DUSP10: variants seen among roughly 807,000 people sequenced by gnomAD.
DUSP10 encodes the protein dual specificity phosphatase 10.
Under a neutral mutation model 30.8 loss-of-function variants are expected in DUSP10, and 14 were observed. The ratio of observed to expected loss-of-function variants is 0.46; its 90% confidence interval spans 0.30 to 0.71. The LOEUF is 0.71. Among genes scored for constraint, DUSP10 ranks in the 30% least tolerant of loss-of-function variants. The pLI is 0.08. For missense variants in DUSP10, 550 were observed against 619.4 expected (o/e 0.89, Z 1.19); for synonymous variants, 254 against 250.4 (o/e 1.01, Z -0.14).
At chr1:221,740,839 CAA>C (rs1661932668) in intron 1 of DUSP10, among the ~76,000 whole-genome samples, 1 of 152,200 alleles carries the variant, frequency 6.6e-6, no homozygotes, top group Non-Finnish European at 1.5e-5. Flanking sequence ...AGAGTGTCTG[CAA>C]AAAGACAGCT....
At chr1:221,723,945 C>T (rs938373403) in intron 2 of DUSP10, among the ~76,000 whole-genome samples, 1 of 152,334 alleles carries the variant, frequency 6.6e-6, no homozygotes, top group Admixed American at 6.5e-5. Flanking sequence ...AAAGCCCTGA[C>T]CTTCTAATCA....
intron 2 of DUSP10, among the ~76,000 whole-genome samples, chr1:221,713,820 G>C (rs1272888321): frequency 6.6e-6 from 1 of 152,184 alleles, no homozygotes; most frequent in Non-Finnish European, 1.5e-5. Flanking sequence ...GGTGACTGCT[G>C]ATATGTTAGA....
chr1:221,709,449 T>C (rs932418674), intron 2 of DUSP10, among the ~76,000 whole-genome samples: 2 of 141,280 alleles, frequency 1.4e-5, no homozygotes, highest in African/African-American at 5.4e-5. Context: ...TCTGTTCTTA[T>C]AATATTTGGA....
chr1:221,730,036 C>A (rs1464366523), intron 2 of DUSP10, among the ~76,000 whole-genome samples: 1 of 152,052 alleles, frequency 6.6e-6, no homozygotes, highest in South Asian at 2.1e-4. Flanking sequence ...CACCCTAAGA[C>A]CCTCAACCCT....
chr1:221,708,763 C>T (rs922755110), intron 2 of DUSP10, among the ~76,000 whole-genome samples: 2 of 152,176 alleles, frequency 1.3e-5, no homozygotes, highest in African/African-American at 2.4e-5. Context: ...AAAAGGGATT[C>T]TGAAGAGTTA....
At chr1:221,731,018 T>C (rs1412241235) in intron 2 of DUSP10, among the ~76,000 whole-genome samples, 1 of 152,170 alleles carries the variant, frequency 6.6e-6, no homozygotes, top group Admixed American at 6.5e-5. Context: ...AAATCTTTTA[T>C]AATGAAATTC....
At chr1:221,710,456 C>A (rs752223279) in intron 2 of DUSP10, among the ~76,000 whole-genome samples, 2 of 151,924 alleles carry the variant, frequency 1.3e-5, no homozygotes, top group Non-Finnish European at 2.9e-5. Context: ...TAATAAAGTA[C>A]CTTAAAACAA....
chr1:221,704,024 T>G (rs1660686721), intron 3 of DUSP10, among the ~76,000 whole-genome samples: 1 of 152,170 alleles, frequency 6.6e-6, no homozygotes, highest in African/African-American at 2.4e-5. Context: ...AGCATGGTGG[T>G]GAGAGAATGA....
chr1:221,721,914 A>C (rs1167395437), intron 2 of DUSP10, among the ~76,000 whole-genome samples: 1 of 152,214 alleles, frequency 6.6e-6, no homozygotes, highest in Non-Finnish European at 1.5e-5. Context: ...GGGCCCTCTC[A>C]AGAGCTTGCT....
At chr1:221,731,300 C>T (rs993096092) in intron 2 of DUSP10, among the ~76,000 whole-genome samples, 6 of 152,054 alleles carry the variant, frequency 3.9e-5, no homozygotes, top group African/African-American at 1.5e-4. Flanking sequence ...CAAAACCTTG[C>T]CTCTGAAATA....
Position 221,739,690 on chromosome 1 carries a change from G to C in DUSP10, c.55C>G (p.Arg19Gly), listed in dbSNP as rs370026750. Residue 19 changes from arginine (R) to glycine (G), a missense_variant, in exon 2 of 4, where the codon CGA becomes GGA. By Grantham distance (125) the Arg-to-Gly change is moderately radical. Transcript: ENST00000366899. ...RVVVALSRPV[R>G]PQDLNLCLDS... is the part of the protein sequence containing the mutation. ...AAACAAAGGTTGAGATCCTGAGGTC[G>C]GACGGGCCTAGATAGTGCCACTACT... The C allele has an allele frequency of 6.2e-7, 1 of 1,613,756 alleles. No individual in the cohort carries two copies.
rs1400732520 is a variant in DUSP10 at position 221,737,114 on chromosome 1, A to G, written c.811+1820T>C. ...TCTCAATGACTGATGGGTCACCCCTATCCACAACTCCACCCACTGCAAAAT... is the reference window on the plus strand; with the variant it reads ...TCTCAATGACTGATGGGTCACCCCTGTCCACAACTCCACCCACTGCAAAAT... On this transcript the variant is annotated intron_variant, in intron 2 of 3. Transcript: ENST00000366899. 3.0e-6 allele frequency: 3 copies of G among 985,296 alleles called. No homozygotes were observed. The South Asian group carries it at 1.4e-4, about 46-fold the overall frequency. 61.0% of individuals were successfully genotyped at this position (985,296 alleles called of 1,614,324 possible).
At chr1:221,705,418 G>A (rs745326898) in intron 3 of DUSP10, among the ~76,000 whole-genome samples, 6 of 152,170 alleles carry the variant, frequency 3.9e-5, no homozygotes, top group Non-Finnish European at 8.8e-5. Context: ...GCGATATTTT[G>A]AGTCTTATAG....
At position 221,739,759 on chromosome 1, in the gene DUSP10, C is replaced by T. The variant is rs769341595; in HGVS notation, c.-15G>A. On this transcript the variant is annotated 5_prime_UTR_variant, in exon 2 of 4. Coordinates refer to ENST00000366899, the MANE Select transcript of DUSP10 (RefSeq NM_007207.6). ...GACGGAGGCATGAGGAGGCTGAAAA[C>T]TGGCAATTCAAGAAGAACTCAAGAC... 1.3e-6 allele frequency: 2 copies of T among 1,555,626 alleles called. No individual in the cohort carries two copies. The highest frequency in any genetic ancestry group is 1.4e-5 in the African/African-American group (1 of 72,864).
Position 221,706,079 on chromosome 1 carries a change from T to C in DUSP10, c.1183+16A>G, listed in dbSNP as rs377668619. ...AGGAAGGCAGCGGATGAAAATTCCC[T>C]ATGGGAGATAGTTACCAATGAACTC... On this transcript the variant is annotated intron_variant, in intron 3 of 3. Coordinates refer to ENST00000366899, the MANE Select transcript of DUSP10 (RefSeq NM_007207.6). The surrounding 1 kb of genome is among the most constrained non-coding windows in gnomAD (Gnocchi z 4.6). 2.5e-6 allele frequency: 4 copies of C among 1,606,982 alleles called. No homozygotes were observed. The African/African-American group carries it at 4.0e-5, about 16-fold the overall frequency.
chr1:221,740,203 C>T (rs140998390), intron 1 of DUSP10, among the ~76,000 whole-genome samples: 4 of 152,184 alleles, frequency 2.6e-5, no homozygotes, highest in Non-Finnish European at 4.4e-5. Context: ...ATTTGTCCAC[C>T]CTTGCATGCT....
rs375688310 is a variant in DUSP10, at chr1:221,704,614, C to A, written c.1183+1481G>T. Among the ~76,000 whole-genome samples, 6 of 152,150 alleles carry A rather than the reference C, an allele frequency of 3.9e-5. No individual in the cohort carries two copies. In the South Asian group the frequency reaches 6.2e-4, roughly 16 times the overall value. On this transcript the variant is annotated intron_variant, in intron 3 of 3. Coordinates refer to ENST00000366899, the MANE Select transcript of DUSP10 (RefSeq NM_007207.6). ...CAGTATCTCTGCATCCTCAGTGTTG[C>A]CAGTTGGGAATTACTTAATAGGGCA...
At chr1:221,713,115 T>C (rs1660989361) in intron 2 of DUSP10, among the ~76,000 whole-genome samples, 1 of 152,188 alleles carries the variant, frequency 6.6e-6, no homozygotes, top group Admixed American at 6.5e-5. Context: ...AGATGAACTT[T>C]TGATGCTGGT....
intron 2 of DUSP10, among the ~76,000 whole-genome samples, chr1:221,725,805 G>C (rs1272448558): frequency 6.6e-6 from 1 of 151,992 alleles, no homozygotes; most frequent in African/African-American, 2.4e-5. Context: ...CATCTACTCA[G>C]CATCTCACTA....
Sources: gnomAD v4.1 joint callset for allele counts (sites outside exome capture counted in the v4.1 genomes callset) on GRCh38, gnomAD v4.1.1 for gene constraint, Gnocchi (gnomAD v3.1) non-coding constraint, MANE v1.5 for transcripts, NCBI Gene and HGNC (gene_info 2026-07-23, HGNC 2026-07-21) for gene names.